The following BTN3A1 variants were observed in gnomAD, a reference collection of about 807,000 sequenced individuals.
BTN3A1 encodes the protein butyrophilin subfamily 3 member A1.
A neutral mutation model predicts 43.0 loss-of-function variants in BTN3A1; 24 were observed. The observed-to-expected ratio is 0.56, with a 90% confidence interval of 0.40 to 0.78. The LOEUF (loss-of-function observed/expected upper bound fraction) is 0.78. Among genes scored for constraint, BTN3A1 ranks in the 30% least tolerant of loss-of-function variants. The pLI, the probability that BTN3A1 is intolerant of heterozygous loss-of-function variation, is 0.00. For missense variants in BTN3A1, 533 were observed against 626.2 expected (o/e 0.85, Z 1.59); for synonymous variants, 181 against 234.7 (o/e 0.77, Z 2.09).
chr6:26,409,848 C>A (rs752241600), intron 5 of BTN3A1, 46 bp from the exon 6 acceptor site: 5 of 1,613,850 alleles, frequency 3.1e-6, no homozygotes, highest in South Asian at 1.1e-5. Flanking sequence ...TTTTAGAAAA[C>A]CCCCTCACCT....
intron 9 of BTN3A1, chr6:26,412,461 A>G: frequency 6.7e-7 from 1 of 1,488,198 alleles, no homozygotes; most frequent in Non-Finnish European, 9.2e-7. Context: ...AAGGGAGCCC[A>G]GTGGCACTGT....
rs1057264767 is a variant in BTN3A1 at position 26,405,262 on chromosome 6, G to A, written c.-192-110G>A. 3 of 444,070 alleles carry A rather than the reference G, an allele frequency of 6.8e-6. No homozygotes were observed. The Admixed American group carries it at 1.1e-4, about 16-fold the overall frequency. The allele number at this position is 444,070 out of a possible 1,614,324, so 27.5% of individuals were successfully genotyped here. On this transcript the variant is annotated intron_variant, in intron 1 of 9. Coordinates refer to ENST00000289361, the MANE Select transcript of BTN3A1 (RefSeq NM_007048.6). ...AGGGGGATTGTGGTGGGTTGGACTT[G>A]GCAGGGGAAGTTTGGGGAAGTCATA...
At position 26,410,069 on chromosome 6, in the gene BTN3A1, A is replaced by G. The variant is rs762584283; in HGVS notation, c.964+37A>G. 4.3e-5 allele frequency: 70 copies of G among 1,611,510 alleles called. No individual in the cohort carries two copies. In the South Asian group the frequency reaches 5.2e-4, roughly 12 times the overall value. Reference sequence around the variant, plus strand: ...TGACATTTTCTCTGAATTTGAATCTATAACTGTCTGTGCTTGAATAGTTTC... The same window carrying G: ...TGACATTTTCTCTGAATTTGAATCTGTAACTGTCTGTGCTTGAATAGTTTC... On this transcript the variant is annotated intron_variant, in intron 7 of 9. Coordinates refer to ENST00000289361, the MANE Select transcript of BTN3A1 (RefSeq NM_007048.6).
rs1581628363 is a variant in BTN3A1 at position 26,409,239 on chromosome 6, G to T, written c.716-294G>T. Among the ~76,000 whole-genome samples the T allele has an allele frequency of 2.6e-5, 4 of 152,286 alleles. 1 individual carries two copies. In the South Asian group the frequency reaches 8.3e-4, roughly 32 times the overall value. On this transcript the variant is annotated intron_variant, in intron 4 of 9. Coordinates refer to ENST00000289361, the MANE Select transcript of BTN3A1 (RefSeq NM_007048.6). ...ACATGTATTTTAGAACCATGTACAT[G>T]TGTTACCTATTAAAAAGTTGAATTA...
chr6:26,408,902 A>T (rs1363365974), intron 4 of BTN3A1, among the ~76,000 whole-genome samples: 1 of 152,210 alleles, frequency 6.6e-6, no homozygotes, highest in African/African-American at 2.4e-5. Context: ...TAAGAGGAAA[A>T]ACAAGAATAT....
chr6:26,412,655 G>A, intron 9 of BTN3A1: 1 of 1,550,926 alleles, frequency 6.4e-7, no homozygotes, highest in South Asian at 1.2e-5. Flanking sequence ...TAAATAACAT[G>A]ATTGCCTTCT....
chr6:26,412,131 G>A (rs1163319605), intron 9 of BTN3A1: 2 of 350,948 alleles, frequency 5.7e-6, no homozygotes, highest in Non-Finnish European at 1.0e-5. Context: ...CAAACTGCGT[G>A]GTTGAAGGTT....
At chr6:26,410,975 CT>C (rs1762193581) in intron 7 of BTN3A1, 133 bp from the exon 8 acceptor site, 1 of 677,646 alleles carries the variant, frequency 1.5e-6, no homozygotes, top group Non-Finnish European at 2.3e-6. Context: ...AGAATTGAAC[CT>C]GCAGAGGAGG....
chr6:26,412,372 G>A (rs758029941), intron 9 of BTN3A1: 2 of 761,734 alleles, frequency 2.6e-6, no homozygotes, highest in Admixed American at 2.1e-5. Context: ...AAATTAAACG[G>A]TGTGTCTCTC....
At chr6:26,409,482 G>A in intron 4 of BTN3A1, 51 bp from the exon 5 acceptor site, 3 of 1,567,328 alleles carry the variant, frequency 1.9e-6, no homozygotes, top group Non-Finnish European at 2.6e-6. Flanking sequence ...GCTGCAGTCT[G>A]GGGAGGCTGA....
At chr6:26,412,981 G>A in intron 9 of BTN3A1, 188 bp from the exon 10 acceptor site, 1 of 1,459,060 alleles carries the variant, frequency 6.9e-7, no homozygotes, top group Admixed American at 2.8e-5. Flanking sequence ...CTTCCCCTCT[G>A]GACACAAGAT....
In BTN3A1 at chr6:26,413,296, T is replaced by C. The variant is rs773202042; in HGVS notation, c.1146T>C (p.Tyr382=). Residue 382 remains tyrosine (Y), a synonymous_variant, in exon 10 of 10, where the codon TAT becomes TAC. Coordinates refer to ENST00000289361, the MANE Select transcript of BTN3A1 (RefSeq NM_007048.6). ...PDNPERFNWH[Y]CVLGCESFIS... is the part of the protein sequence containing the mutation. Reference sequence around the variant, plus strand: ...ACCCTGAGAGATTTAATTGGCATTATTGTGTTCTCGGCTGTGAGAGCTTCA... The same window carrying C: ...ACCCTGAGAGATTTAATTGGCATTACTGTGTTCTCGGCTGTGAGAGCTTCA... The C allele has an allele frequency of 1.2e-6, 2 of 1,614,030 alleles. No homozygotes were observed. Among genetic ancestry groups the C allele is most frequent in the Non-Finnish European group, 1.7e-6 (2 of 1,180,030 alleles).
chr6:26,410,032 C>A lies in BTN3A1; in HGVS notation c.964C>A (p.Arg322=). ...ATGGAGAAGTATCCAGTATGCATCTCGTAAGTGCCTCTGACATTTTCTCTG... is the reference window on the plus strand; with the variant it reads ...ATGGAGAAGTATCCAGTATGCATCTAGTAAGTGCCTCTGACATTTTCTCTG... ...LRWRSIQYAS[R]GERHSAYNEW... is the part of the protein sequence containing the mutation. Residue 322 remains arginine (R), a splice_region_variant and synonymous_variant, in exon 7 of 10, where the codon CGG becomes AGG. Coordinates refer to ENST00000289361, the MANE Select transcript of BTN3A1 (RefSeq NM_007048.6). 1 of 1,614,034 alleles carries A rather than the reference C, an allele frequency of 6.2e-7. No homozygotes were observed.
intron 8 of BTN3A1, 100 bp downstream of exon 8, chr6:26,411,235 T>A: frequency 2.1e-6 from 3 of 1,451,006 alleles, no homozygotes; most frequent in Non-Finnish European, 2.8e-6. Context: ...TTTGCATGAA[T>A]CAGATTTAAC....
chr6:26,405,383 T>G lies in BTN3A1; in HGVS notation c.-181T>G. The G allele has an allele frequency of 1.6e-6, 1 of 616,062 alleles. No individual in the cohort carries two copies. The highest frequency in any genetic ancestry group is 2.7e-5 in the East Asian group (1 of 36,540). 38.2% of individuals were successfully genotyped at this position (616,062 alleles called of 1,614,324 possible). A position where few individuals can be genotyped will look rare whatever the true frequency, so the allele number is the denominator to read the frequency against. ...ACATGTTTTTACAGGTGATTTTCAA[T>G]GTTGGGACTCAAAGGTGAAGACACT... On this transcript the variant is annotated 5_prime_UTR_variant, in exon 2 of 10. An upstream start codon of the reference 5' UTR is lost. Transcript: ENST00000289361.
In BTN3A1 at chr6:26,407,941, T is replaced by C; in HGVS notation, c.704T>C (p.Ile235Thr). Residue 235 changes from isoleucine (I) to threonine (T), a missense_variant, in exon 4 of 10, where the codon ATT becomes ACT. Ile to Thr is a moderately conservative substitution (Grantham distance 89). Coordinates refer to ENST00000289361, the MANE Select transcript of BTN3A1 (RefSeq NM_007048.6). ...CTCGGCCTGGAAAAGACAGCCAGCA[T>C]TTCCATCGCAGGTCAGTACCTGCTT... is the stretch of plus-strand genomic sequence containing the variant. ...SLLGLEKTAS[I>T]SIADPFFRSA... The C allele has an allele frequency of 6.2e-7, 1 of 1,614,144 alleles. No individual in the cohort carries two copies. The highest frequency in any genetic ancestry group is 8.5e-7 in the Non-Finnish European group (1 of 1,179,988).
chr6:26,407,635 C>G, intron 3 of BTN3A1, 36 bp from the exon 4 acceptor site: 4 of 1,604,026 alleles, frequency 2.5e-6, no homozygotes, highest in Non-Finnish European at 3.4e-6. Context: ...CTGATACAGG[C>G]CTCTCAAGAA....
In BTN3A1 at chr6:26,414,073, G is replaced by A. The variant is rs1178350600; in HGVS notation, c.*381G>A. The A allele has an allele frequency of 4.8e-6, 1 of 208,998 alleles. No individual in the cohort carries two copies. Among genetic ancestry groups the A allele is most frequent in the Non-Finnish European group, 9.1e-6 (1 of 109,966 alleles). 12.9% of individuals were successfully genotyped at this position (208,998 alleles called of 1,614,324 possible). On this transcript the variant is annotated 3_prime_UTR_variant, in exon 10 of 10. Coordinates refer to ENST00000289361, the MANE Select transcript of BTN3A1 (RefSeq NM_007048.6). ...AACAGCAATAACTAACATTAATGGA[G>A]AACTTAAAATGCTCTGAGTGCTGTG...
At chr6:26,407,177 T>G (rs1581625449) in intron 3 of BTN3A1, among the ~76,000 whole-genome samples, 1 of 152,212 alleles carries the variant, frequency 6.6e-6, no homozygotes, top group South Asian at 2.1e-4. Flanking sequence ...TGAGTCCTGT[T>G]GCTGCTTCCA....
Sources: allele counts gnomAD v4.1 joint callset (sites outside exome capture counted in the v4.1 genomes callset), GRCh38; gene constraint gnomAD v4.1.1; transcripts MANE v1.5; gene names NCBI Gene and HGNC (gene_info 2026-07-23, HGNC 2026-07-21).